COL17A1: variants seen among roughly 807,000 people sequenced by gnomAD.
COL17A1 encodes the protein collagen alpha-1(XVII) chain.
COL17A1 carries 181 observed loss-of-function variants against 218.4 expected under a neutral mutation model. That is an observed-to-expected ratio of 0.83 (90% CI 0.73 to 0.94). COL17A1 has a LOEUF of 0.94. Among genes scored for constraint, COL17A1 ranks in the 40% least tolerant of loss-of-function variants. The probability of loss-of-function intolerance (pLI) is 0.00; values close to 1 mark genes in which losing one functional copy is unlikely to be tolerated. For missense variants in COL17A1, 1,924 were observed against 1,945.9 expected, an observed-to-expected ratio of 0.99 and a Z score of 0.21; for synonymous variants, 721 against 731.0, an observed-to-expected ratio of 0.99 and a Z score of 0.22.
intron 31 of COL17A1, 121 bp from the exon 32 acceptor site, chr10:104,046,894 C>T: frequency 1.1e-6 from 1 of 893,864 alleles, no homozygotes; most frequent in Non-Finnish European, 1.8e-6. Flanking sequence ...TACAGAAGGA[C>T]ACGTCTCATG....
chr10:104,051,434 C>G (rs747804464), intron 25 of COL17A1, 47 bp downstream of exon 25: 1 of 1,611,590 alleles, frequency 6.2e-7, no homozygotes, highest in African/African-American at 1.3e-5. Context: ...AACATTGCCA[C>G]CTTTGCCCTG....
chr10:104,076,452 G>A (rs1488245955), intron 4 of COL17A1, 23 bp from the exon 5 acceptor site: 2 of 1,613,652 alleles, frequency 1.2e-6, no homozygotes, highest in African/African-American at 2.7e-5. Flanking sequence ...AAAAGCATAA[G>A]TTCTCAGTGC....
intron 12 of COL17A1, among the ~76,000 whole-genome samples, chr10:104,061,740 C>A (rs1436697224): frequency 1.3e-5 from 2 of 152,196 alleles, no homozygotes. Flanking sequence ...GCCCTTAACA[C>A]CTGCTCTGCA....
chr10:104,032,523 G>T, intron 55 of COL17A1, 151 bp downstream of exon 55: 1 of 886,424 alleles, frequency 1.1e-6, no homozygotes, highest in South Asian at 1.4e-5. Flanking sequence ...GGATTGTTAT[G>T]CAAATTCTGC....
At chr10:104,050,802 T>A in intron 26 of COL17A1, 46 bp downstream of exon 26, 1 of 1,614,128 alleles carries the variant, frequency 6.2e-7, no homozygotes, top group East Asian at 2.2e-5. Flanking sequence ...CTGTGGGTCG[T>A]GTCCATCAGA....
chr10:104,053,922 A>C lies in COL17A1; in HGVS notation c.1832T>G (p.Val611Gly), dbSNP rs766057934. The change falls in exon 22 of 56, where the codon GTG becomes GGG. Residue 611 changes from valine (V) to glycine (G), a missense_variant and splice_region_variant. By Grantham distance (109) the Val-to-Gly change is moderately radical. Coordinates refer to ENST00000648076, the MANE Select transcript of COL17A1 (RefSeq NM_000494.4). The part of the protein sequence containing the change: ...PQGPKGQKGS[V>G]GDPGMEGPMG... The stretch of plus-strand genomic sequence containing the variant: ...ATAAAGAAAAATGTGTTTCTTACCC[A>C]CGCTGCCTTTTTGACCCTTTGGTCC... 1 of 1,569,122 alleles carries C rather than the reference A, an allele frequency of 6.4e-7. No homozygotes were observed. The highest frequency in any genetic ancestry group is 8.8e-7 in the Non-Finnish European group (1 of 1,139,060).
intron 28 of COL17A1, among the ~76,000 whole-genome samples, chr10:104,049,782 G>A (rs994208750): frequency 1.3e-5 from 2 of 152,226 alleles, no homozygotes; most frequent in Non-Finnish European, 2.9e-5. Context: ...GAGGATACCG[G>A]GGTGCAAACT....
intron 32 of COL17A1, 38 bp from the exon 33 acceptor site, chr10:104,045,831 C>T (rs767054438): frequency 6.4e-7 from 1 of 1,570,034 alleles, no homozygotes; most frequent in Non-Finnish European, 8.8e-7. Context: ...ACGATGAAGG[C>T]CCAGCAATTC....
At position 104,045,681 on chromosome 10, in the gene COL17A1, G is replaced by T. The variant is rs572831924; in HGVS notation, c.2398+77C>A. ...TGATCCAGGCTCTGGCCAGAGAGAGGCCTCCTCCTGTCCATCCCTTCCTTC... is the reference window on the plus strand; with the variant it reads ...TGATCCAGGCTCTGGCCAGAGAGAGTCCTCCTCCTGTCCATCCCTTCCTTC... On this transcript the variant is annotated intron_variant, in intron 33 of 55. Coordinates refer to ENST00000648076, the MANE Select transcript of COL17A1 (RefSeq NM_000494.4). The T allele has an allele frequency of 8.1e-5, 99 of 1,216,484 alleles. No homozygotes were observed. In the African/African-American group the frequency reaches 1.3e-3, roughly 16 times the overall value. The allele number at this position is 1,216,484 out of a possible 1,614,324, so 75.4% of individuals were successfully genotyped here. A position where few individuals can be genotyped will look rare whatever the true frequency, so the allele number is the denominator to read the frequency against.
At chr10:104,032,882 G>T (rs72821434) in intron 54 of COL17A1, 24 bp downstream of exon 54, 1,058 of 1,614,022 alleles carry the variant, frequency 6.6e-4, no homozygotes, top group Non-Finnish European at 8.5e-4. Flanking sequence ...AGGATCCAGG[G>T]ACTGGCTCTC....
intron 31 of COL17A1, 138 bp from the exon 32 acceptor site, chr10:104,046,911 C>T: frequency 1.3e-6 from 1 of 797,512 alleles, no homozygotes; most frequent in South Asian, 1.5e-5. Flanking sequence ...CATGCCGGGG[C>T]AGCCAGCATC....
At chr10:104,054,059 T>G in intron 21 of COL17A1, 33 bp downstream of exon 21, 1 of 1,613,712 alleles carries the variant, frequency 6.2e-7, no homozygotes, top group South Asian at 1.1e-5. Flanking sequence ...GCTGCAACAC[T>G]GGCAGGCCTG....
chr10:104,040,377 C>G lies in COL17A1; in HGVS notation c.2735G>C (p.Gly912Ala), dbSNP rs780808583. ...TFLSGPPGPP[G>A]PPGPKGDQGP... Reference sequence around the variant, plus strand: ...TTGGTCTCCCTTGGGACCTGGGGGGCCAGGTGGGCCTGGGGGGCCGGAGAG... The same window carrying G: ...TTGGTCTCCCTTGGGACCTGGGGGGGCAGGTGGGCCTGGGGGGCCGGAGAG... Residue 912 changes from glycine (G) to alanine (A), a missense_variant, in exon 40 of 56, where the codon GGC becomes GCC. Gly to Ala is a moderately conservative substitution (Grantham distance 60). Transcript: ENST00000648076. 3.7e-6 allele frequency: 6 copies of G among 1,611,328 alleles called. No individual in the cohort carries two copies. The highest frequency in any genetic ancestry group is 5.1e-6 in the Non-Finnish European group (6 of 1,177,510).
In COL17A1 at chr10:104,050,608, G is replaced by A. The variant is rs755845911; in HGVS notation, c.2128+13C>T. 1.9e-6 allele frequency: 3 copies of A among 1,612,910 alleles called. No individual in the cohort carries two copies. Among genetic ancestry groups the A allele is most frequent in the African/African-American group, 1.3e-5 (1 of 74,894 alleles). On this transcript the variant is annotated intron_variant, in intron 27 of 55. Transcript: ENST00000648076. Reference sequence around the variant, plus strand: ...AGGCCCTGGTAATGACAGAGCAGCAGTGAGTGGCATACCTTTGGGTCCTGG... The same window carrying A: ...AGGCCCTGGTAATGACAGAGCAGCAATGAGTGGCATACCTTTGGGTCCTGG...
rs762515039 is a variant in COL17A1 at position 104,078,553 on chromosome 10, G to A, written c.86C>T (p.Ser29Phe). 1 of 1,614,174 alleles carries A rather than the reference G, an allele frequency of 6.2e-7. No individual in the cohort carries two copies. The highest frequency in any genetic ancestry group is 1.1e-5 in the South Asian group (1 of 91,080). The change falls in exon 3 of 56, where the codon TCC becomes TTC. Residue 29 changes from serine (S) to phenylalanine (F), a missense_variant. Physicochemically the swap from Ser to Phe is radical, Grantham distance 155 (BLOSUM62 -2). Transcript: ENST00000648076. The part of the protein sequence containing the change: ...VTETVTTRLT[S>F]LPPKGGTSNG... ...AGGTAGTTACTTACTTGGTGGTAAG[G>A]ATGTAAGTCTTGTGGTTACTGTTTC...
In COL17A1 at chr10:104,053,910, T is replaced by A. The variant is rs774848004; in HGVS notation, c.1834+10A>T. Reference sequence around the variant, plus strand: ...AGGAATAAATGAATAAAGAAAAATGTGTTTCTTACCCACGCTGCCTTTTTG... The same window carrying A: ...AGGAATAAATGAATAAAGAAAAATGAGTTTCTTACCCACGCTGCCTTTTTG... On this transcript the variant is annotated intron_variant, in intron 22 of 55. Coordinates refer to ENST00000648076, the MANE Select transcript of COL17A1 (RefSeq NM_000494.4). 3 of 1,511,816 alleles carry A rather than the reference T, an allele frequency of 2.0e-6. No individual in the cohort carries two copies. The highest frequency in any genetic ancestry group is 2.8e-6 in the Non-Finnish European group (3 of 1,087,674). The allele number at this position is 1,511,816 out of a possible 1,614,324, so 93.7% of individuals were successfully genotyped here. A position where few individuals can be genotyped will look rare whatever the true frequency, so the allele number is the denominator to read the frequency against.
In COL17A1 at chr10:104,032,894, G is replaced by A. The variant is rs753234705; in HGVS notation, c.4357+12C>T. 8.1e-6 allele frequency: 13 copies of A among 1,614,020 alleles called. No homozygotes were observed. Among genetic ancestry groups the A allele is most frequent in the African/African-American group, 1.3e-5 (1 of 74,946 alleles). ...CACAGGATCCAGGGACTGGCTCTCT[G>A]CCACCACTTACCTTTGGGTCCTGGA... On this transcript the variant is annotated intron_variant, in intron 54 of 55. Transcript: ENST00000648076.
chr10:104,065,750 C>G (rs180917645), intron 9 of COL17A1, among the ~76,000 whole-genome samples: 125 of 152,302 alleles, frequency 8.2e-4, no homozygotes, highest in Admixed American at 2.0e-3. Flanking sequence ...TAGGTACAGC[C>G]CACTTTTTTC....
At chr10:104,058,278 C>T in intron 15 of COL17A1, 88 bp from the exon 16 acceptor site, 3 of 1,568,400 alleles carry the variant, frequency 1.9e-6, no homozygotes, top group African/African-American at 2.7e-5. Context: ...TATTCCTTTA[C>T]TTTCTTAATA....
Sources: allele counts gnomAD v4.1 joint callset (sites outside exome capture counted in the v4.1 genomes callset), GRCh38; gene constraint gnomAD v4.1.1; transcripts MANE v1.5; gene names NCBI Gene and HGNC (gene_info 2026-07-23, HGNC 2026-07-21).